The following PRMT8 variants were observed in gnomAD, a reference collection of about 807,000 sequenced individuals.
PRMT8 encodes protein arginine methyltransferase 8.
Under a neutral mutation model 47.1 loss-of-function variants are expected in PRMT8, and 7 were observed. The observed-to-expected ratio is 0.15, with a 90% CI of 0.08 to 0.28. PRMT8 has a LOEUF of 0.28. Ranked by LOEUF, PRMT8 falls within the 10% of genes least tolerant of loss-of-function variation. The probability of loss-of-function intolerance (pLI) is 1.00; values close to 1 mark genes in which losing one functional copy is unlikely to be tolerated. For synonymous variants in PRMT8, 188 were observed against 186.5 expected, an observed-to-expected ratio of 1.01 and a Z score of -0.07; for missense variants, 237 against 505.4, an observed-to-expected ratio of 0.47 and a Z score of 5.09.
chr12:3,490,712 A>AGAGAGAGAGAGAGAGAGAGAGG (rs1865377369), upstream of PRMT8, among the ~76,000 whole-genome samples: 2 of 140,648 alleles, frequency 1.4e-5, no homozygotes, highest in Admixed American at 7.0e-5. Flanking sequence ...AGAGAGAGAG[A>AGAGAGAGAGAGAGAGAGAGAGG]GAGAGAGAAA....
intron 1 of PRMT8, among the ~76,000 whole-genome samples, chr12:3,396,132 G>A (rs1486857907): frequency 2.5e-4 from 38 of 152,134 alleles, no homozygotes; most frequent in Admixed American, 4.6e-4. Flanking sequence ...GGTTTCCTGA[G>A]TACAGCACAC....
intron 1 of PRMT8, among the ~76,000 whole-genome samples, chr12:3,475,632 C>T (rs1434203079): frequency 1.3e-5 from 2 of 152,202 alleles, no homozygotes; most frequent in Non-Finnish European, 2.9e-5. Flanking sequence ...GGGGTATTCG[C>T]CACTTTTGGT....
At position 3,550,801 on chromosome 12, in the gene PRMT8, T is replaced by G. The variant is rs2137176924; in HGVS notation, c.417+710T>G. On this transcript the variant is annotated intron_variant, in intron 3 of 9. Coordinates refer to ENST00000382622, the MANE Select transcript of PRMT8 (RefSeq NM_019854.5). This position sits in a 1 kb window ranked among gnomAD's most constrained non-coding sequence, Gnocchi z 5.1. ...TCCCCTGGCTCTCCCAAGGCAGCTT[T>G]GCCCAGCCTGATGACAGAGGGCCTG... 1 of 152,336 alleles carries G rather than the reference T, an allele frequency of 6.6e-6. No homozygotes were observed. The highest frequency in any genetic ancestry group is 2.4e-5 in the African/African-American group (1 of 41,564). 9.4% of individuals were successfully genotyped at this position (152,336 alleles called of 1,614,324 possible).
At chr12:3,423,899 C>T (rs892721145) in intron 1 of PRMT8, among the ~76,000 whole-genome samples, 22 of 152,120 alleles carry the variant, frequency 1.4e-4, no homozygotes, top group African/African-American at 5.1e-4. Context: ...ATAATTGAGG[C>T]TTTCAGGACC....
chr12:3,499,109 C>T (rs1865551574), intron 1 of PRMT8, among the ~76,000 whole-genome samples: 1 of 151,842 alleles, frequency 6.6e-6, no homozygotes, highest in Non-Finnish European at 1.5e-5. Context: ...CCACTCTAAT[C>T]CAATATGACT....
chr12:3,497,789 T>C (rs1462142071), intron 1 of PRMT8, among the ~76,000 whole-genome samples: 1 of 152,200 alleles, frequency 6.6e-6, no homozygotes, highest in African/African-American at 2.4e-5. Flanking sequence ...CTTTTTAAAG[T>C]GTAATTTTAT....
intron 1 of PRMT8, among the ~76,000 whole-genome samples, chr12:3,459,936 C>T (rs1036395320): frequency 2.8e-4 from 43 of 152,180 alleles, no homozygotes; most frequent in Admixed American, 1.3e-4. Flanking sequence ...CCGTGCCCTC[C>T]GACCCTCCTA....
intron 4 of PRMT8, among the ~76,000 whole-genome samples, chr12:3,556,210 G>A (rs1378884148): frequency 6.6e-6 from 1 of 152,146 alleles, no homozygotes; most frequent in Non-Finnish European, 1.5e-5. Flanking sequence ...CCACTTGGGA[G>A]TCATCAACCT....
intron 1 of PRMT8, among the ~76,000 whole-genome samples, chr12:3,389,361 T>G (rs1199619657): frequency 6.6e-6 from 1 of 152,038 alleles, no homozygotes; most frequent in Admixed American, 6.6e-5. Context: ...ATCCCTAAGG[T>G]TACATTCTCG....
chr12:3,477,180 T>G (rs962301290), intron 1 of PRMT8, among the ~76,000 whole-genome samples: 6 of 152,248 alleles, frequency 3.9e-5, no homozygotes, highest in Non-Finnish European at 8.8e-5. Flanking sequence ...TTTAGAAACC[T>G]GTTTCCTGGT....
chr12:3,539,504 C>T (rs936516360), intron 1 of PRMT8, among the ~76,000 whole-genome samples: 1 of 152,144 alleles, frequency 6.6e-6, no homozygotes, highest in Non-Finnish European at 1.5e-5. Context: ...GATAATACTC[C>T]TTTTTTTATT....
chr12:3,428,766 CTCTT>C (rs1419485344), intron 1 of PRMT8, among the ~76,000 whole-genome samples: 2 of 151,764 alleles, frequency 1.3e-5, no homozygotes, highest in African/African-American at 2.4e-5. Flanking sequence ...CTCTGCCTCT[CTCTT>C]TCTCTCTCTC....
Position 3,552,027 on chromosome 12 carries a change from A to C in PRMT8, c.418-1624A>C. On this transcript the variant is annotated intron_variant, in intron 3 of 9. Transcript: ENST00000382622. This position sits in a 1 kb window ranked among gnomAD's most constrained non-coding sequence, Gnocchi z 4.5. Reference sequence around the variant, plus strand: ...TGGATCACCTGAGGTCAGGAGTTCAAGACCAGCCTGGCCAACATGGCGAAA... The same window carrying C: ...TGGATCACCTGAGGTCAGGAGTTCACGACCAGCCTGGCCAACATGGCGAAA... 6.6e-6 allele frequency: 1 copy of C among 152,374 alleles called. No individual in the cohort carries two copies. Among genetic ancestry groups the C allele is most frequent in the East Asian group, 1.9e-4 (1 of 5,198 alleles). 9.4% of individuals were successfully genotyped at this position (152,374 alleles called of 1,614,324 possible).
chr12:3,400,190 A>G (rs1393410318), intron 1 of PRMT8, among the ~76,000 whole-genome samples: 1 of 152,208 alleles, frequency 6.6e-6, no homozygotes, highest in East Asian at 1.9e-4. Flanking sequence ...TAAAGAGACG[A>G]AAAACCCTTC....
intron 1 of PRMT8, among the ~76,000 whole-genome samples, chr12:3,505,544 G>T (rs1865609734): frequency 2.0e-5 from 3 of 152,188 alleles, no homozygotes. Flanking sequence ...ATTATGGGTT[G>T]GGTGCTGTGT....
chr12:3,526,402 T>C (rs1000946587), intron 1 of PRMT8, among the ~76,000 whole-genome samples: 1 of 152,228 alleles, frequency 6.6e-6, no homozygotes, highest in Non-Finnish European at 1.5e-5. Context: ...TGGGATCACA[T>C]GGTAATACTA....
intron 4 of PRMT8, among the ~76,000 whole-genome samples, chr12:3,567,885 C>T (rs527261861): frequency 6.6e-6 from 1 of 152,198 alleles, no homozygotes; most frequent in Admixed American, 6.5e-5. Context: ...ACCACTCTGG[C>T]CAACATGGTG....
At chr12:3,584,475 T>C (rs1867129757) in intron 8 of PRMT8, among the ~76,000 whole-genome samples, 1 of 152,204 alleles carries the variant, frequency 6.6e-6, no homozygotes. Context: ...GCTTTCCCTT[T>C]GGGTCAAGGT....
At chr12:3,388,256 A>G (rs181265085) in intron 1 of PRMT8, among the ~76,000 whole-genome samples, 37 of 152,182 alleles carry the variant, frequency 2.4e-4, no homozygotes, top group African/African-American at 8.4e-4. Context: ...AAATCCCTTT[A>G]GTTTAGATTT....
Sources: allele counts gnomAD v4.1 joint callset (sites outside exome capture counted in the v4.1 genomes callset), GRCh38; gene constraint gnomAD v4.1.1; non-coding constraint Gnocchi (gnomAD v3.1); transcripts MANE v1.5; gene names NCBI Gene and HGNC (gene_info 2026-07-23, HGNC 2026-07-21).